Variants in NAALADL2 observed in about 807,000 individuals in gnomAD.
The protein encoded by NAALADL2 is inactive N-acetylated-alpha-linked acidic dipeptidase-like protein 2.
NAALADL2 carries 76 observed loss-of-function variants against 87.2 expected under a neutral mutation model. That is an observed-to-expected ratio of 0.87 (90% CI 0.72 to 1.05). The LOEUF is 1.05. NAALADL2 is among the 50% of genes least tolerant of loss of function. NAALADL2 has a pLI of 0.00. For synonymous variants in NAALADL2, 354 were observed against 331.0 expected, an observed-to-expected ratio of 1.07 and a Z score of -0.75; for missense variants, 1,089 against 945.8, an observed-to-expected ratio of 1.15 and a Z score of -1.99.
At chr3:174,714,180 T>A (rs1730960494) in intron 2 of NAALADL2, among the ~76,000 whole-genome samples, 2 of 152,144 alleles carry the variant, frequency 1.3e-5, no homozygotes, top group Admixed American at 6.6e-5. Flanking sequence ...TGGTACCAGT[T>A]CCATGCTGTT....
At chr3:174,524,359 G>C (rs1378261893) in intron 1 of NAALADL2, among the ~76,000 whole-genome samples, 1 of 152,150 alleles carries the variant, frequency 6.6e-6, no homozygotes, top group African/African-American at 2.4e-5. Flanking sequence ...AGATGAGAGT[G>C]GGGTGGCGGG....
chr3:174,496,510 T>TTATATATA (rs5854577), intron 1 of NAALADL2, among the ~76,000 whole-genome samples: 6 of 145,736 alleles, frequency 4.1e-5, no homozygotes, highest in African/African-American at 1.5e-4. Flanking sequence ...TATTTATATA[T>TTATATATA]TATATATATA....
At chr3:175,358,414 T>A (rs113793367) in intron 5 of NAALADL2, among the ~76,000 whole-genome samples, 4,028 of 152,220 alleles carry the variant, frequency 0.026, 58 homozygotes, top group Middle Eastern at 0.044. Context: ...GAAGCCATTC[T>A]ATTTTTTTAT....
At position 174,602,883 on chromosome 3, in the gene NAALADL2, T is replaced by A. The variant is rs1405334497; in HGVS notation, c.-115+52246T>A. 2.0e-5 allele frequency among the ~76,000 whole-genome samples: 3 copies of A among 152,164 alleles called. No individual in the cohort carries two copies. In the East Asian group the frequency reaches 5.8e-4, roughly 29 times the overall value. On this transcript the variant is annotated intron_variant, in intron 2 of 3. Transcript: ENST00000434257. ...GATTTTTCTGTATCAATTGAAATGA[T>A]CATATGGTTTTTATTCTTCATTCTG...
chr3:175,283,996 A>G (rs1581251919), intron 4 of NAALADL2, among the ~76,000 whole-genome samples: 2 of 152,068 alleles, frequency 1.3e-5, no homozygotes, highest in East Asian at 3.8e-4. Flanking sequence ...ATTTAAATTT[A>G]TCCTTGCACC....
chr3:175,409,349 A>T (rs1713031154), intron 5 of NAALADL2, among the ~76,000 whole-genome samples: 1 of 151,890 alleles, frequency 6.6e-6, no homozygotes, highest in African/African-American at 2.4e-5. Context: ...AAAGTTGTCC[A>T]GGATGTCATT....
intron 12 of NAALADL2, among the ~76,000 whole-genome samples, chr3:175,739,843 A>G (rs1418351855): frequency 6.6e-6 from 1 of 152,240 alleles, no homozygotes; most frequent in African/African-American, 2.4e-5. Context: ...AAATAGCACT[A>G]TGCTCAAACT....
intron 9 of NAALADL2, among the ~76,000 whole-genome samples, chr3:175,555,156 G>C (rs77017271): frequency 0.041 from 6,203 of 152,178 alleles, 270 homozygotes; most frequent in African/African-American, 0.11. Flanking sequence ...CTTTCTTTAA[G>C]TGGTTTCATG....
chr3:174,779,832 A>T (rs1039989772), intron 3 of NAALADL2, among the ~76,000 whole-genome samples: 1 of 152,180 alleles, frequency 6.6e-6, no homozygotes, highest in East Asian at 1.9e-4. Context: ...ATTGGTCTAC[A>T]TATGTGTTTT....
At chr3:175,419,743 G>C (rs971036975) in intron 5 of NAALADL2, among the ~76,000 whole-genome samples, 2 of 151,828 alleles carry the variant, frequency 1.3e-5, no homozygotes, top group Non-Finnish European at 2.9e-5. Context: ...TGCTGAGTCT[G>C]GAATATAGAA....
chr3:175,314,696 A>ATATATATATATATAGTTCTAAC (rs1758892248), intron 4 of NAALADL2, among the ~76,000 whole-genome samples: 2 of 87,838 alleles, frequency 2.3e-5, no homozygotes, highest in African/African-American at 9.3e-5. Context: ...ATATATATAT[A>ATATATATATATATAGTTCTAAC]TATATATATA....
At chr3:175,236,730 T>C (rs1278585549) in intron 3 of NAALADL2, among the ~76,000 whole-genome samples, 16 of 152,150 alleles carry the variant, frequency 1.1e-4, no homozygotes, top group Non-Finnish European at 4.4e-5. Context: ...AGAGTTCCAC[T>C]ATTGGGCAAA....
At chr3:175,338,259 C>G (rs563657196) in intron 5 of NAALADL2, among the ~76,000 whole-genome samples, 3 of 151,946 alleles carry the variant, frequency 2.0e-5, no homozygotes, top group Non-Finnish European at 2.9e-5. Flanking sequence ...AAAATCCATG[C>G]GATGGGAAGA....
chr3:174,678,092 T>C (rs1238998369), intron 2 of NAALADL2, among the ~76,000 whole-genome samples: 1 of 152,116 alleles, frequency 6.6e-6, no homozygotes, highest in African/African-American at 2.4e-5. Context: ...CAAAAAATTT[T>C]AGTGAGTAGG....
chr3:174,534,668 T>G (rs1018346573), intron 1 of NAALADL2, among the ~76,000 whole-genome samples: 10 of 152,176 alleles, frequency 6.6e-5, no homozygotes, highest in Non-Finnish European at 1.0e-4. Context: ...ATGGCTAACA[T>G]ATATACCCCT....
chr3:174,882,808 T>TACAC (rs1560319727), intron 1 of NAALADL2, among the ~76,000 whole-genome samples: 4 of 103,886 alleles, frequency 3.9e-5, no homozygotes, highest in African/African-American at 1.6e-4. Context: ...CGTGTGTATA[T>TACAC]GTGCATATGT....
chr3:175,615,941 GT>G (rs1172283476), intron 10 of NAALADL2, among the ~76,000 whole-genome samples: 1 of 145,470 alleles, frequency 6.9e-6, no homozygotes, highest in Non-Finnish European at 1.5e-5. Flanking sequence ...GATTATGTAT[GT>G]TATATAGTAT....
At chr3:175,243,578 T>C (rs1747396764) in intron 3 of NAALADL2, among the ~76,000 whole-genome samples, 1 of 133,322 alleles carries the variant, frequency 7.5e-6, no homozygotes, top group Non-Finnish European at 1.6e-5. Context: ...ACCATTTTAC[T>C]AGCATACAGC....
chr3:175,265,704 A>G (rs1751812010), intron 4 of NAALADL2, among the ~76,000 whole-genome samples: 2 of 151,566 alleles, frequency 1.3e-5, no homozygotes, highest in African/African-American at 4.8e-5. Flanking sequence ...AACTTTTGTA[A>G]TTAAAATTAT....
Sources: allele counts gnomAD v4.1 joint callset (sites outside exome capture counted in the v4.1 genomes callset), GRCh38; gene constraint gnomAD v4.1.1; transcripts MANE v1.5; gene names NCBI Gene and HGNC (gene_info 2026-07-23, HGNC 2026-07-21).